The following OPRM1 variants were observed in gnomAD, a reference collection of about 807,000 sequenced individuals.
OPRM1 encodes opioid receptor mu 1, also known as mu-type opioid receptor.
In OPRM1, 27 loss-of-function variants were observed where a neutral mutation model predicts 31.8. The ratio of observed to expected loss-of-function variants is 0.85; its 90% CI spans 0.63 to 1.17. The LOEUF (loss-of-function observed/expected upper bound fraction) is 1.17. Among genes scored for constraint, OPRM1 ranks in the 50% most tolerant of loss-of-function variants. The pLI is 0.00. For missense variants in OPRM1, 536 were observed against 511.1 expected, an observed-to-expected ratio of 1.05 and a Z score of -0.47; for synonymous variants, 196 against 189.9, an observed-to-expected ratio of 1.03 and a Z score of -0.26.
At chr6:154,107,146 G>A (rs1390150672) in intron 3 of OPRM1, among the ~76,000 whole-genome samples, 1 of 152,162 alleles carries the variant, frequency 6.6e-6, no homozygotes, top group Admixed American at 6.5e-5. Context: ...TTCTTAATTG[G>A]ATGACTGGCT....
In OPRM1 at chr6:154,039,467, GC is replaced by G. The variant is rs1779568443; in HGVS notation, c.-77del. The G allele has an allele frequency of 3.9e-6, 6 of 1,553,956 alleles. No homozygotes were observed. Among genetic ancestry groups the G allele is most frequent in the Non-Finnish European group, 5.2e-6 (6 of 1,148,264 alleles). ...GCTGTGGCAGCGGCGAAAGGAAGCG[GC>G]TGAGGCGCTTGGAACCCGAAAAGTC... On this transcript the variant is annotated 5_prime_UTR_variant, in exon 1 of 4. Coordinates refer to ENST00000330432, the MANE Select transcript of OPRM1 (RefSeq NM_000914.5).
chr6:154,106,404 C>G (rs1468652514), intron 3 of OPRM1, among the ~76,000 whole-genome samples: 1 of 152,216 alleles, frequency 6.6e-6, no homozygotes, highest in Non-Finnish European at 1.5e-5. Context: ...AGAGCTGGCT[C>G]TCCAGCACAG....
At chr6:154,145,949 C>A (rs1258825486) in intron 3 of OPRM1, among the ~76,000 whole-genome samples, 1 of 152,192 alleles carries the variant, frequency 6.6e-6, no homozygotes, top group East Asian at 1.9e-4. Flanking sequence ...AAAAATAAAC[C>A]TTGATTCATA....
intron 3 of OPRM1, among the ~76,000 whole-genome samples, chr6:154,233,001 T>G (rs1392380262): frequency 5.9e-5 from 9 of 151,436 alleles, no homozygotes; most frequent in African/African-American, 1.9e-4. Flanking sequence ...GGAGTCTTAT[T>G]CTTGTCACCC....
chr6:154,108,158 GA>G, intron 3 of OPRM1: 1 of 499,098 alleles, frequency 2.0e-6, no homozygotes, highest in Non-Finnish European at 3.6e-6. Flanking sequence ...CATCATAAAG[GA>G]AATTTTTTTT....
intron 1 of OPRM1, among the ~76,000 whole-genome samples, chr6:154,029,680 T>G (rs1414117832): frequency 6.6e-6 from 1 of 152,222 alleles, no homozygotes; most frequent in African/African-American, 2.4e-5. Context: ...AATCTCATCT[T>G]GAATTGTAGT....
intron 1 of OPRM1, among the ~76,000 whole-genome samples, chr6:154,057,866 G>A (rs771894200): frequency 1.1e-4 from 16 of 152,096 alleles, no homozygotes; most frequent in South Asian, 4.1e-4. Flanking sequence ...AAATCAAGCC[G>A]GAAGTCCAAC....
chr6:154,207,143 T>C (rs1030487321), intron 3 of OPRM1, among the ~76,000 whole-genome samples: 1 of 152,050 alleles, frequency 6.6e-6, no homozygotes, highest in Non-Finnish European at 1.5e-5. Flanking sequence ...GGGCCTCAAC[T>C]AGGCAGTGGG....
intron 3 of OPRM1, among the ~76,000 whole-genome samples, chr6:154,148,506 C>A (rs1798414778): frequency 6.6e-6 from 1 of 152,202 alleles, no homozygotes; most frequent in South Asian, 2.1e-4. Context: ...TGTTCATGAG[C>A]CCATGCACAT....
intron 3 of OPRM1, among the ~76,000 whole-genome samples, chr6:154,194,084 T>C (rs974653388): frequency 1.4e-4 from 21 of 152,352 alleles, no homozygotes; most frequent in African/African-American, 4.8e-4. Flanking sequence ...TCACTGTTAA[T>C]ACCCGCTCCT....
chr6:154,244,656 T>G (rs1388524485), intron 3 of OPRM1, among the ~76,000 whole-genome samples: 1 of 152,198 alleles, frequency 6.6e-6, no homozygotes, highest in African/African-American at 2.4e-5. Context: ...GGTAACTCAT[T>G]TCTCCTCTAA....
chr6:154,100,795 A>G (rs938793322), intron 3 of OPRM1, among the ~76,000 whole-genome samples: 4 of 151,346 alleles, frequency 2.6e-5, no homozygotes, highest in African/African-American at 9.7e-5. Context: ...AAATCTAGCA[A>G]TCCCTACCTA....
intron 1 of OPRM1, among the ~76,000 whole-genome samples, chr6:154,071,535 A>G (rs919591164): frequency 4.0e-5 from 6 of 151,738 alleles, no homozygotes; most frequent in Admixed American, 2.6e-4. Flanking sequence ...GAAAACCCCC[A>G]GGAATATCCC....
chr6:154,062,560 T>A (rs111641412), intron 1 of OPRM1, among the ~76,000 whole-genome samples: 1 of 152,068 alleles, frequency 6.6e-6, no homozygotes, highest in African/African-American at 2.4e-5. Flanking sequence ...AAAAAAACTC[T>A]CTGACTGAAA....
At chr6:154,136,596 T>G (rs572440055), downstream of OPRM1, among the ~76,000 whole-genome samples, 2 of 152,096 alleles carry the variant, frequency 1.3e-5, no homozygotes, top group Non-Finnish European at 2.9e-5. Flanking sequence ...CCTCAGCCCC[T>G]CCGCTTGGTT....
chr6:154,232,843 T>C (rs925314223), intron 3 of OPRM1, among the ~76,000 whole-genome samples: 3 of 151,954 alleles, frequency 2.0e-5, no homozygotes, highest in Non-Finnish European at 2.9e-5. Context: ...TAAAATTTGT[T>C]AAAGCTATAA....
chr6:154,038,907 G>C (rs1331113014), upstream of OPRM1, among the ~76,000 whole-genome samples: 1 of 152,186 alleles, frequency 6.6e-6, no homozygotes, highest in Non-Finnish European at 1.5e-5. Context: ...GTTGGCAACG[G>C]AGGCAACAAG....
At chr6:154,161,036 G>C (rs944005618) in intron 3 of OPRM1, among the ~76,000 whole-genome samples, 3 of 152,128 alleles carry the variant, frequency 2.0e-5, no homozygotes, top group African/African-American at 7.2e-5. Flanking sequence ...TGACTTCCCA[G>C]TCTAATGTAC....
intron 3 of OPRM1, among the ~76,000 whole-genome samples, chr6:154,169,227 G>A (rs1446527310): frequency 6.6e-6 from 1 of 152,096 alleles, no homozygotes; most frequent in East Asian, 1.9e-4. Context: ...TGGGTGTGGT[G>A]GTGCGTGCCT....
Sources: allele counts gnomAD v4.1 joint callset (sites outside exome capture counted in the v4.1 genomes callset), GRCh38; gene constraint gnomAD v4.1.1; transcripts MANE v1.5; gene names NCBI Gene and HGNC (gene_info 2026-07-23, HGNC 2026-07-21).